Variants in GALNTL6 observed in about 807,000 individuals in gnomAD.
GALNTL6 encodes polypeptide N-acetylgalactosaminyltransferase-like 6.
A neutral mutation model predicts 73.7 loss-of-function variants in GALNTL6; 46 were observed. The ratio of observed to expected loss-of-function variants is 0.62; its 90% CI spans 0.49 to 0.80. The LOEUF is 0.80. GALNTL6 is among the 30% of genes least tolerant of loss of function. The probability of loss-of-function intolerance (pLI) is 0.00; values close to 1 mark genes in which losing one functional copy is unlikely to be tolerated. For missense variants in GALNTL6, 604 were observed against 755.0 expected (o/e 0.80, Z 2.34); for synonymous variants, 259 against 263.7 (o/e 0.98, Z 0.17).
chr4:172,045,283 G>A (rs1437338714), intron 2 of GALNTL6, among the ~76,000 whole-genome samples: 7 of 151,760 alleles, frequency 4.6e-5, no homozygotes, highest in African/African-American at 7.3e-5. Context: ...GGAGCAGGTG[G>A]GTCTGAATTC....
At chr4:171,939,298 T>G (rs1337991708) in intron 2 of GALNTL6, among the ~76,000 whole-genome samples, 1 of 152,018 alleles carries the variant, frequency 6.6e-6, no homozygotes, top group Non-Finnish European at 1.5e-5. Flanking sequence ...TGATTTTTTT[T>G]GATAAGCCAT....
At chr4:172,240,358 G>T (rs141018258) in intron 3 of GALNTL6, among the ~76,000 whole-genome samples, 1 of 151,914 alleles carries the variant, frequency 6.6e-6, no homozygotes, top group Non-Finnish European at 1.5e-5. Context: ...TAAGTAGCAG[G>T]GACTACAGGC....
At chr4:172,132,139 A>T (rs1733515239) in intron 2 of GALNTL6, among the ~76,000 whole-genome samples, 1 of 152,030 alleles carries the variant, frequency 6.6e-6, no homozygotes, top group African/African-American at 2.4e-5. Context: ...CCATCTGGTT[A>T]TACAAAAACA....
intron 5 of GALNTL6, among the ~76,000 whole-genome samples, chr4:172,733,417 T>C (rs1464564138): frequency 6.6e-6 from 1 of 152,176 alleles, no homozygotes; most frequent in Non-Finnish European, 1.5e-5. Flanking sequence ...ATGGTTTGGC[T>C]GTGTCCCTGC....
chr4:171,839,593 CGTT>C (rs1735189274), intron 2 of GALNTL6, among the ~76,000 whole-genome samples: 1 of 151,460 alleles, frequency 6.6e-6, no homozygotes, highest in Admixed American at 6.6e-5. Flanking sequence ...CTTGCACATA[CGTT>C]CACACATGCA....
chr4:172,577,769 T>C (rs1737013690), intron 5 of GALNTL6, among the ~76,000 whole-genome samples: 1 of 152,162 alleles, frequency 6.6e-6, no homozygotes, highest in African/African-American at 2.4e-5. Flanking sequence ...CTCAGCAACT[T>C]TGTTGTCATT....
chr4:172,442,076 A>G (rs1731856913), intron 5 of GALNTL6, among the ~76,000 whole-genome samples: 1 of 152,168 alleles, frequency 6.6e-6, no homozygotes, highest in Admixed American at 6.6e-5. Context: ...ATGCATTTTT[A>G]AACACATATG....
chr4:172,520,949 A>G (rs1218293124), intron 5 of GALNTL6, among the ~76,000 whole-genome samples: 1 of 152,112 alleles, frequency 6.6e-6, no homozygotes, highest in Admixed American at 6.6e-5. Context: ...TGTTGCATCA[A>G]GAACTTGTTA....
chr4:172,098,804 A>G (rs549265547), intron 2 of GALNTL6, among the ~76,000 whole-genome samples: 4 of 152,244 alleles, frequency 2.6e-5, no homozygotes, highest in African/African-American at 9.6e-5. Flanking sequence ...ATAAGTCACA[A>G]TCTAATAGTG....
chr4:172,678,902 G>A (rs1450205395), intron 5 of GALNTL6, among the ~76,000 whole-genome samples: 2 of 152,126 alleles, frequency 1.3e-5, no homozygotes, highest in African/African-American at 4.8e-5. Context: ...TCAGTAAAAG[G>A]TCAGATAGTA....
At chr4:172,161,504 A>G (rs1325147006) in intron 2 of GALNTL6, among the ~76,000 whole-genome samples, 2 of 152,042 alleles carry the variant, frequency 1.3e-5, no homozygotes, top group Non-Finnish European at 2.9e-5. Flanking sequence ...AGTACAGAGA[A>G]ACCATTTTGC....
intron 2 of GALNTL6, among the ~76,000 whole-genome samples, chr4:172,163,959 A>C (rs1374264320): frequency 6.6e-6 from 1 of 151,990 alleles, no homozygotes; most frequent in East Asian, 1.9e-4. Context: ...TACTCATATT[A>C]ATTATTAGAC....
At chr4:171,914,780 T>A (rs1428377301) in intron 2 of GALNTL6, among the ~76,000 whole-genome samples, 62 of 144,850 alleles carry the variant, frequency 4.3e-4, no homozygotes, top group African/African-American at 1.5e-3. Flanking sequence ...GTAAAAATGA[T>A]AAAAAAAAAA....
intron 2 of GALNTL6, among the ~76,000 whole-genome samples, chr4:172,134,428 A>C (rs1204388396): frequency 6.6e-6 from 1 of 151,948 alleles, no homozygotes; most frequent in Admixed American, 6.6e-5. Flanking sequence ...AATGAACTGG[A>C]TTAGGAAAAC....
chr4:172,331,515 G>T (rs143248715), intron 4 of GALNTL6, among the ~76,000 whole-genome samples: 2 of 152,228 alleles, frequency 1.3e-5, no homozygotes, highest in East Asian at 1.9e-4. Context: ...GAAACTTTAG[G>T]CTGGTTGATT....
rs142717910 is a variant in GALNTL6, at chr4:172,294,154, G to A, written c.248-17460G>A. Reference sequence around the variant, plus strand: ...TATTGAAAGAAATCAATCAAAAGGCGTATATCTCCAAATTTTGTCTTCTCT... The same window carrying A: ...TATTGAAAGAAATCAATCAAAAGGCATATATCTCCAAATTTTGTCTTCTCT... On this transcript the variant is annotated intron_variant, in intron 3 of 12. Transcript: ENST00000506823. Among the ~76,000 whole-genome samples the A allele has an allele frequency of 2.8e-4, 43 of 151,942 alleles. No individual in the cohort carries two copies. The East Asian group carries it at 4.4e-3, about 16-fold the overall frequency.
intron 5 of GALNTL6, among the ~76,000 whole-genome samples, chr4:172,728,993 C>T (rs6822057): frequency 0.36 from 54,604 of 151,980 alleles, 10,852 homozygotes; most frequent in African/African-American, 0.52. Context: ...TTTTTTCATA[C>T]ACCTGTTGGC....
chr4:172,937,743 A>G (rs1748695907), intron 9 of GALNTL6, among the ~76,000 whole-genome samples: 1 of 152,210 alleles, frequency 6.6e-6, no homozygotes, highest in Non-Finnish European at 1.5e-5. Context: ...ACGTATTCCA[A>G]TGCCAGAATA....
chr4:172,536,056 T>C (rs987398063), intron 5 of GALNTL6, among the ~76,000 whole-genome samples: 3 of 152,144 alleles, frequency 2.0e-5, no homozygotes, highest in African/African-American at 7.2e-5. Context: ...CTGATGGTTT[T>C]ATAAGGAGCT....
Sources: gnomAD v4.1 joint callset for allele counts (sites outside exome capture counted in the v4.1 genomes callset) on GRCh38, gnomAD v4.1.1 for gene constraint, MANE v1.5 for transcripts, NCBI Gene and HGNC (gene_info 2026-07-23, HGNC 2026-07-21) for gene names.